The following RHBDL3 variants were observed in gnomAD, a reference collection of about 807,000 sequenced individuals.
RHBDL3 encodes the protein rhomboid like 3.
RHBDL3 carries 28 observed loss-of-function variants against 48.2 expected under a neutral mutation model. The observed-to-expected ratio is 0.58, with a 90% CI of 0.43 to 0.80. The LOEUF is 0.80. RHBDL3 is among the 30% of genes least tolerant of loss of function. The pLI is 0.00. For missense variants in RHBDL3, 464 were observed against 542.7 expected (o/e 0.85, Z 1.44); for synonymous variants, 208 against 232.3 (o/e 0.90, Z 0.95).
chr17:32,280,344 A>G (rs2040014415), intron 2 of RHBDL3: 1 of 151,636 alleles, frequency 6.6e-6, no homozygotes, highest in Admixed American at 6.6e-5. Flanking sequence ...AATCTGGGGC[A>G]CAGTGCCTGG....
chr17:32,297,456 C>T (rs546438268), intron 5 of RHBDL3, among the ~76,000 whole-genome samples: 1 of 152,030 alleles, frequency 6.6e-6, no homozygotes, highest in East Asian at 2.0e-4. Flanking sequence ...AGCAACACTC[C>T]ATCTCAAAAA....
chr17:32,321,225 CCT>C lies in RHBDL3; in HGVS notation c.1212_1213del (p.Ter405ArgfsTer58), dbSNP rs2150763928. ...CTGGACTTAAAGCTGCCGCCTCCCC[CCT>C]GAGGGCTGGAGGCCCAAGGTCGGGG... On this transcript the variant is annotated frameshift_variant and stop_lost, in exon 9 of 9. Coordinates refer to ENST00000269051, the MANE Select transcript of RHBDL3 (RefSeq NM_138328.3). LOFTEE classifies it high-confidence loss of function. 1 of 1,614,206 alleles carries C rather than the reference CCT, an allele frequency of 6.2e-7. No individual in the cohort carries two copies. The highest frequency in any genetic ancestry group is 8.5e-7 in the Non-Finnish European group (1 of 1,180,030).
chr17:32,268,826 C>G (rs1036244675), intron 2 of RHBDL3, among the ~76,000 whole-genome samples: 17 of 152,038 alleles, frequency 1.1e-4, no homozygotes, highest in Admixed American at 1.0e-3. Context: ...GTTATGTGAT[C>G]CAAGCCAGGC....
intron 8 of RHBDL3, among the ~76,000 whole-genome samples, chr17:32,319,579 G>C (rs111376825): frequency 3.9e-5 from 6 of 152,274 alleles, no homozygotes; most frequent in Admixed American, 1.3e-4. Context: ...GTGGGAGTGC[G>C]GAGGGCGGAG....
chr17:32,298,143 C>T lies in RHBDL3; in HGVS notation c.720C>T (p.Pro240=), dbSNP rs1288440305. ...NVVLQLLVGV[P]LEMVHGATRI... is the part of the protein sequence containing the mutation. ...TGCTGCAGCTGCTGGTGGGGGTGCCCCTGGAGATGGTGCATGGAGCCACCC... is the reference window on the plus strand; with the variant it reads ...TGCTGCAGCTGCTGGTGGGGGTGCCTCTGGAGATGGTGCATGGAGCCACCC... The change falls in exon 6 of 9, where the codon CCC becomes CCT. Residue 240 remains proline, a synonymous_variant. Transcript: ENST00000269051. 2.5e-6 allele frequency: 4 copies of T among 1,613,912 alleles called. No homozygotes were observed. The highest frequency in any genetic ancestry group is 2.5e-6 in the Non-Finnish European group (3 of 1,179,932).
Position 32,284,783 on chromosome 17 carries a change from A to G in RHBDL3, c.260A>G (p.Asp87Gly). 6.2e-7 allele frequency: 1 copy of G among 1,613,998 alleles called. No homozygotes were observed. The highest frequency in any genetic ancestry group is 8.5e-7 in the Non-Finnish European group (1 of 1,180,018). Residue 87 changes from aspartate (D) to glycine (G), a missense_variant, in exon 3 of 9, where the codon GAT becomes GGT. Asp to Gly is a moderately conservative substitution (Grantham distance 94). Transcript: ENST00000269051. ...VLLALADSHA[D>G]GQIGYQDFVS... ...CTGGCTCTTGCCGACAGCCACGCGG[A>G]TGGGCAGATCGGCTACCAGGATTTT...
chr17:32,320,333 TTTTG>T (rs1359553880), intron 8 of RHBDL3, among the ~76,000 whole-genome samples: 1 of 152,088 alleles, frequency 6.6e-6, no homozygotes, highest in African/African-American at 2.4e-5. Context: ...GGTTTTCTTT[TTTTG>T]TTTGTTTTTG....
intron 2 of RHBDL3, among the ~76,000 whole-genome samples, chr17:32,282,808 C>G (rs1263079080): frequency 2.0e-5 from 3 of 152,018 alleles, no homozygotes; most frequent in Non-Finnish European, 4.4e-5. Context: ...ATTTTTATTA[C>G]AGACGGGGTT....
intron 7 of RHBDL3, among the ~76,000 whole-genome samples, chr17:32,305,804 G>C (rs1470125694): frequency 1.3e-5 from 2 of 151,830 alleles, no homozygotes; most frequent in Non-Finnish European, 2.9e-5. Context: ...TGTAGTCCCA[G>C]CTACTCGGGA....
intron 6 of RHBDL3, among the ~76,000 whole-genome samples, chr17:32,302,979 C>T (rs2040621572): frequency 6.6e-6 from 1 of 152,222 alleles, no homozygotes; most frequent in African/African-American, 2.4e-5. Context: ...CCTTAGACCT[C>T]ATTTTATAGA....
chr17:32,315,555 T>C (rs1451536178), intron 7 of RHBDL3, among the ~76,000 whole-genome samples: 1 of 152,114 alleles, frequency 6.6e-6, no homozygotes, highest in East Asian at 1.9e-4. Flanking sequence ...CTCTGGAGCA[T>C]CCTTTCCGAG....
Position 32,288,976 on chromosome 17 carries a change from G to A in RHBDL3, c.479G>A (p.Cys160Tyr). Residue 160 changes from cysteine to tyrosine, a missense_variant, in exon 4 of 9, where the codon TGC (cysteine) becomes TAC (tyrosine). Cys to Tyr is a radical substitution (Grantham distance 194, BLOSUM62 -2). Transcript: ENST00000269051. ...TGGTACTATGACAGCTACACCTGCT[G>A]CCCCCCACCCTGGTTCATGATCACA... is the stretch of plus-strand genomic sequence containing the variant. ...RKWYYDSYTCCPPPWFMITVT... is the reference protein window; with the variant it reads ...RKWYYDSYTCYPPPWFMITVT... 6.2e-7 allele frequency: 1 copy of A among 1,614,168 alleles called. No homozygotes were observed. The highest frequency in any genetic ancestry group is 8.5e-7 in the Non-Finnish European group (1 of 1,180,026).
chr17:32,294,723 T>G (rs764178112), intron 5 of RHBDL3, among the ~76,000 whole-genome samples: 2 of 152,166 alleles, frequency 1.3e-5, no homozygotes, highest in Non-Finnish European at 2.9e-5. Context: ...AGACGTGGCT[T>G]GAAAATTTAT....
In RHBDL3 at chr17:32,323,085, C is replaced by G. The variant is rs905763648; in HGVS notation, c.*1856C>G. ...ACATGTAAATGGGCTCACTCACTCA[C>G]TGGCAGGCGAGGCCCAGCCATACCG... is the stretch of plus-strand genomic sequence containing the variant. On this transcript the variant is annotated 3_prime_UTR_variant, in exon 9 of 9. Transcript: ENST00000269051. 2 of 152,606 alleles carry G rather than the reference C, an allele frequency of 1.3e-5. No individual in the cohort carries two copies. Among genetic ancestry groups the G allele is most frequent in the Non-Finnish European group, 1.5e-5 (1 of 68,380 alleles). 9.5% of individuals were successfully genotyped at this position (152,606 alleles called of 1,614,324 possible). A position where few individuals can be genotyped will look rare whatever the true frequency, so the allele number is the denominator to read the frequency against.
chr17:32,274,614 C>T (rs1158994115), intron 2 of RHBDL3, among the ~76,000 whole-genome samples: 2 of 152,184 alleles, frequency 1.3e-5, no homozygotes, highest in Non-Finnish European at 2.9e-5. Context: ...CCTGTAATCC[C>T]ACCACTTTGG....
chr17:32,293,173 A>AGGGGGGGGGGG (rs56795296), intron 4 of RHBDL3, among the ~76,000 whole-genome samples: 4 of 102,490 alleles, frequency 3.9e-5, no homozygotes, highest in Non-Finnish European at 2.2e-5. Flanking sequence ...GGCTGGAGGG[A>AGGGGGGGGGGG]GGGGGTGGGG....
chr17:32,303,273 G>A (rs1012371011), intron 6 of RHBDL3, among the ~76,000 whole-genome samples: 1 of 152,160 alleles, frequency 6.6e-6, no homozygotes, highest in Admixed American at 6.5e-5. Flanking sequence ...GTACAGACCT[G>A]CTCTGAGAAG....
Position 32,321,726 on chromosome 17 carries a change from A to G in RHBDL3, c.*497A>G. The G allele has an allele frequency of 4.0e-6, 1 of 249,728 alleles. No individual in the cohort carries two copies. The highest frequency in any genetic ancestry group is 8.0e-6 in the Non-Finnish European group (1 of 125,714). 15.5% of individuals were successfully genotyped at this position (249,728 alleles called of 1,614,324 possible). On this transcript the variant is annotated 3_prime_UTR_variant, in exon 9 of 9. Transcript: ENST00000269051. The stretch of plus-strand genomic sequence containing the variant: ...CACCTGCTGTGTCTGGGGCTCCAGT[A>G]AGAAGAGGGCCTACTGGACATGTCA...
intron 1 of RHBDL3, 142 bp from the exon 2 acceptor site, chr17:32,267,760 G>T: frequency 6.9e-7 from 1 of 1,441,614 alleles, no homozygotes; most frequent in Non-Finnish European, 9.2e-7. Context: ...CCTGTGGCCA[G>T]TCCCTGAGCC....
Sources: allele counts gnomAD v4.1 joint callset (sites outside exome capture counted in the v4.1 genomes callset), GRCh38; gene constraint gnomAD v4.1.1; transcripts MANE v1.5; gene names NCBI Gene and HGNC (gene_info 2026-07-23, HGNC 2026-07-21).